Variants in RALGAPA2 observed in about 807,000 individuals in gnomAD.
RALGAPA2 encodes the protein ral GTPase-activating protein subunit alpha-2.
A neutral mutation model predicts 230.4 loss-of-function variants in RALGAPA2; 139 were observed. That is an observed-to-expected ratio of 0.60 (90% CI 0.53 to 0.69). The LOEUF is 0.69. Among genes scored for constraint, RALGAPA2 ranks in the 30% least tolerant of loss-of-function variants. The pLI is 0.00. For missense variants in RALGAPA2, 2,163 were observed against 2,276.0 expected (o/e 0.95, Z 1.01); for synonymous variants, 847 against 837.8 (o/e 1.01, Z -0.19).
rs1287885135 is a variant in RALGAPA2 at position 20,629,504 on chromosome 20, G to A, written c.1092C>T (p.Ser364=). The A allele has an allele frequency of 1.9e-6, 3 of 1,613,976 alleles. No homozygotes were observed. Among genetic ancestry groups the A allele is most frequent in the Admixed American group, 1.7e-5 (1 of 60,022 alleles). ...PTEQDKSHSN[S]STLSDRRLSN... ...TGAGTCTTCGGTCCGACAAGGTGCT[G>A]CTGTTAGAATGGCTTTTGTCCTGCT... Residue 364 remains serine (S), a synonymous_variant, in exon 10 of 40, where the codon AGC becomes AGT. Transcript: ENST00000202677.
At chr20:20,436,289 C>G (rs2060611005) in intron 37 of RALGAPA2, among the ~76,000 whole-genome samples, 1 of 152,188 alleles carries the variant, frequency 6.6e-6, no homozygotes, top group South Asian at 2.1e-4. Flanking sequence ...CTTAGTACTT[C>G]CATGTTCCAA....
intron 37 of RALGAPA2, among the ~76,000 whole-genome samples, chr20:20,418,007 A>C (rs2060200899): frequency 6.6e-6 from 1 of 152,156 alleles, no homozygotes; most frequent in Non-Finnish European, 1.5e-5. Flanking sequence ...CAAAACATGA[A>C]CCACAGGGAG....
At chr20:20,590,650 A>T (rs2065260875) in intron 17 of RALGAPA2, among the ~76,000 whole-genome samples, 1 of 152,178 alleles carries the variant, frequency 6.6e-6, no homozygotes, top group South Asian at 2.1e-4. Flanking sequence ...TGCTGCTGCA[A>T]GTTGTTGGTG....
intron 1 of RALGAPA2, among the ~76,000 whole-genome samples, chr20:20,683,677 T>C (rs2068599304): frequency 6.6e-6 from 1 of 152,264 alleles, no homozygotes; most frequent in Non-Finnish European, 1.5e-5. Flanking sequence ...ACAAAACCCC[T>C]TGCCAGCAGA....
intron 37 of RALGAPA2, among the ~76,000 whole-genome samples, chr20:20,452,016 C>T (rs1179456594): frequency 6.6e-6 from 1 of 152,194 alleles, no homozygotes; most frequent in Non-Finnish European, 1.5e-5. Context: ...AGAAAGTTAA[C>T]TTCTACTAAA....
intron 16 of RALGAPA2, among the ~76,000 whole-genome samples, chr20:20,595,208 C>T (rs1207978026): frequency 6.6e-6 from 1 of 151,952 alleles, no homozygotes; most frequent in Non-Finnish European, 1.5e-5. Context: ...TTAAGTCTTC[C>T]TTACTCAGTC....
At chr20:20,577,589 C>G (rs995499047) in intron 20 of RALGAPA2, among the ~76,000 whole-genome samples, 1 of 151,756 alleles carries the variant, frequency 6.6e-6, no homozygotes, top group Non-Finnish European at 1.5e-5. Flanking sequence ...GGTTCTCTGA[C>G]TTTTATAAAA....
intron 1 of RALGAPA2, among the ~76,000 whole-genome samples, chr20:20,687,415 T>C (rs2068746123): frequency 6.6e-6 from 1 of 152,206 alleles, no homozygotes; most frequent in East Asian, 1.9e-4. Flanking sequence ...CATCCACACA[T>C]TTGGATGGTG....
intron 4 of RALGAPA2, among the ~76,000 whole-genome samples, chr20:20,652,595 G>T (rs1209830426): frequency 1.3e-5 from 2 of 152,144 alleles, no homozygotes; most frequent in Non-Finnish European, 2.9e-5. Flanking sequence ...TCCATCATAA[G>T]GTCACACTCT....
chr20:20,515,940 C>G (rs756228704), intron 31 of RALGAPA2, among the ~76,000 whole-genome samples: 3 of 152,124 alleles, frequency 2.0e-5, no homozygotes, highest in Non-Finnish European at 4.4e-5. Flanking sequence ...AAGCTTATGG[C>G]CTGCGGCAGA....
intron 16 of RALGAPA2, among the ~76,000 whole-genome samples, chr20:20,597,850 A>C (rs922979099): frequency 1.3e-5 from 2 of 152,176 alleles, no homozygotes; most frequent in East Asian, 1.9e-4. Context: ...AAAAAATCAA[A>C]AACAACAACA....
intron 36 of RALGAPA2, among the ~76,000 whole-genome samples, chr20:20,477,863 T>C (rs568325985): frequency 3.3e-5 from 5 of 152,288 alleles, no homozygotes; most frequent in South Asian, 2.1e-4. Context: ...GCTGGGATAA[T>C]AGGCATGAGC....
chr20:20,437,920 A>G lies in RALGAPA2; in HGVS notation c.5496-25772T>C, dbSNP rs1420232675. ...ACAGAGTCTCAGAAACCACTCTCGC[A>G]GGCTAGCTGGCTGAAGGAACAACAC... is the stretch of plus-strand genomic sequence containing the variant. On this transcript the variant is annotated intron_variant, in intron 37 of 39. Transcript: ENST00000202677. The surrounding 1 kb of genome is among the most constrained non-coding windows in gnomAD (Gnocchi z 4.1). 6.6e-6 allele frequency among the ~76,000 whole-genome samples: 1 copy of G among 152,134 alleles called. No homozygotes were observed. The highest frequency in any genetic ancestry group is 1.5e-5 in the Non-Finnish European group (1 of 68,026).
chr20:20,571,405 T>A, intron 23 of RALGAPA2, 53 bp downstream of exon 23: 1 of 1,515,880 alleles, frequency 6.6e-7, no homozygotes, highest in Non-Finnish European at 9.0e-7. Context: ...CTTTAAAGAG[T>A]GATATGCTAT....
rs1402662094 is a variant in RALGAPA2, at chr20:20,619,542, C to T, written c.1402-128G>A. On this transcript the variant is annotated intron_variant, in intron 11 of 39. Coordinates refer to ENST00000202677, the MANE Select transcript of RALGAPA2 (RefSeq NM_020343.4). ...TAGTTGGCATATTTAATTCCTTAAA[C>T]TCACCAGGATTCACATGAAAATAGG... 6.6e-6 allele frequency: 5 copies of T among 758,228 alleles called. No homozygotes were observed. In the African/African-American group the frequency reaches 7.4e-5, roughly 11 times the overall value. The allele number at this position is 758,228 out of a possible 1,614,324, so 47.0% of individuals were successfully genotyped here.
chr20:20,687,838 A>G (rs1452724667), intron 1 of RALGAPA2, among the ~76,000 whole-genome samples: 1 of 152,116 alleles, frequency 6.6e-6, no homozygotes, highest in Non-Finnish European at 1.5e-5. Context: ...CCCCTCCATT[A>G]AAGAAGGAAA....
chr20:20,583,675 G>A (rs1410761858), intron 19 of RALGAPA2, among the ~76,000 whole-genome samples: 1 of 152,082 alleles, frequency 6.6e-6, no homozygotes, highest in Non-Finnish European at 1.5e-5. Context: ...GTAGACCTAG[G>A]GTGACTCATT....
At chr20:20,406,537 C>T (rs547558021) in intron 38 of RALGAPA2, among the ~76,000 whole-genome samples, 6 of 152,196 alleles carry the variant, frequency 3.9e-5, no homozygotes, top group Non-Finnish European at 8.8e-5. Flanking sequence ...CTTTGGCCAG[C>T]TACAGCCAAG....
At chr20:20,460,819 A>G (rs2061284663) in intron 37 of RALGAPA2, among the ~76,000 whole-genome samples, 1 of 152,218 alleles carries the variant, frequency 6.6e-6, no homozygotes, top group African/African-American at 2.4e-5. Flanking sequence ...CCAAAGCATG[A>G]CTGACCTGCT....
Sources: allele counts gnomAD v4.1 joint callset (sites outside exome capture counted in the v4.1 genomes callset), GRCh38; gene constraint gnomAD v4.1.1; non-coding constraint Gnocchi (gnomAD v3.1); transcripts MANE v1.5; gene names NCBI Gene and HGNC (gene_info 2026-07-23, HGNC 2026-07-21).